VPS41: variants seen among roughly 807,000 people sequenced by gnomAD.
VPS41 encodes VPS41 subunit of HOPS complex.
In VPS41, 85 loss-of-function variants were observed where a neutral mutation model predicts 130.9. The ratio of observed to expected loss-of-function variants is 0.65; its 90% CI spans 0.55 to 0.78. VPS41 has a LOEUF of 0.78. Ranked by LOEUF, VPS41 falls within the 30% of genes least tolerant of loss-of-function variation. The probability of loss-of-function intolerance (pLI) is 0.00; values close to 1 mark genes in which losing one functional copy is unlikely to be tolerated. For missense variants in VPS41, 874 were observed against 1,018.7 expected (o/e 0.86, Z 1.93); for synonymous variants, 335 against 332.9 (o/e 1.01, Z -0.07).
At chr7:38,800,711 C>G (rs1001819565) in intron 7 of VPS41, among the ~76,000 whole-genome samples, 2 of 152,122 alleles carry the variant, frequency 1.3e-5, no homozygotes, top group Non-Finnish European at 2.9e-5. Context: ...TGGCCGGCAC[C>G]TGTAATCCCA....
chr7:38,849,087 C>G (rs1348649496), intron 4 of VPS41, among the ~76,000 whole-genome samples: 1 of 151,872 alleles, frequency 6.6e-6, no homozygotes, highest in African/African-American at 2.4e-5. Context: ...ATGTAAAAAG[C>G]AAAACTTTAA....
At chr7:38,758,637 G>A (rs1029358725) in intron 17 of VPS41, among the ~76,000 whole-genome samples, 156 bp from the exon 18 acceptor site, 4 of 152,108 alleles carry the variant, frequency 2.6e-5, no homozygotes, top group Non-Finnish European at 5.9e-5. Flanking sequence ...GTATGCTAAT[G>A]AGCTGACTGG....
rs368369559 is a variant in VPS41, at chr7:38,724,604, C to CTTTTT, written c.*1637_*1641dup. On this transcript the variant is annotated 3_prime_UTR_variant, in exon 29 of 29. Transcript: ENST00000310301. Reference sequence around the variant, plus strand: ...CCTATGATTTCTTTTCTTTTCTTTTCTTTTTTGAGACGGAGTTTTGCTCTT... The same window carrying CTTTTT: ...CCTATGATTTCTTTTCTTTTCTTTTCTTTTTTTTTTTGAGACGGAGTTTTGCTCTT... 6.8e-6 allele frequency: 1 copy of CTTTTT among 146,710 alleles called. No homozygotes were observed. The highest frequency in any genetic ancestry group is 1.5e-5 in the Non-Finnish European group (1 of 68,126). The allele number at this position is 146,710 out of a possible 1,614,324, so 9.1% of individuals were successfully genotyped here.
chr7:38,838,536 G>C (rs1488567025), intron 4 of VPS41, among the ~76,000 whole-genome samples: 1 of 152,122 alleles, frequency 6.6e-6, no homozygotes, highest in Non-Finnish European at 1.5e-5. Context: ...GACATGTTTG[G>C]AATTCTGGAC....
chr7:38,775,353 G>A (rs1367750849), intron 11 of VPS41: 3 of 152,090 alleles, frequency 2.0e-5, no homozygotes, highest in Non-Finnish European at 4.4e-5. Flanking sequence ...CATTTTCTAC[G>A]TGCTCTATGA....
intron 25 of VPS41, among the ~76,000 whole-genome samples, chr7:38,733,637 T>G (rs34828402): frequency 0.06 from 9,180 of 152,292 alleles, 339 homozygotes; most frequent in African/African-American, 0.099. Context: ...TTTACCCTGG[T>G]TTCTTATTCT....
intron 25 of VPS41, chr7:38,741,327 C>G (rs771317346): frequency 5.7e-6 from 2 of 349,406 alleles, no homozygotes. Context: ...ATAGAAGTTA[C>G]CAGCATCCTG....
chr7:38,763,908 C>G (rs1461181791), intron 16 of VPS41, among the ~76,000 whole-genome samples: 1 of 152,098 alleles, frequency 6.6e-6, no homozygotes, highest in Non-Finnish European at 1.5e-5. Context: ...TTCATCTTTC[C>G]TTCCTTCAAC....
intron 6 of VPS41, among the ~76,000 whole-genome samples, chr7:38,820,912 G>T (rs1169168636): frequency 6.6e-6 from 1 of 152,034 alleles, no homozygotes; most frequent in Non-Finnish European, 1.5e-5. Context: ...ACCTCTTTGA[G>T]TCTTTTACCA....
Position 38,821,215 on chromosome 7 carries a change from G to C in VPS41, c.372C>G (p.Asp124Glu), listed in dbSNP as rs1785164200. ...YSGEEFHETF[D>E]CPIKIIAVHP... is the part of the protein sequence containing the mutation. ...GCTGAATACTTACTTTAATGGGACA[G>C]TCAAAAGTCTCGTGAAATTCTTCTC... Residue 124 changes from aspartate (D) to glutamate (E), a missense_variant, in exon 6 of 29, where the codon GAC (aspartate) becomes GAG (glutamate). Asp to Glu is a conservative substitution (Grantham distance 45, BLOSUM62 2). Transcript: ENST00000310301. 1 of 1,613,500 alleles carries C rather than the reference G, an allele frequency of 6.2e-7. No homozygotes were observed. The highest frequency in any genetic ancestry group is 1.7e-5 in the Admixed American group (1 of 59,976).
At chr7:38,851,151 A>G (rs903635735) in intron 4 of VPS41, among the ~76,000 whole-genome samples, 2 of 152,258 alleles carry the variant, frequency 1.3e-5, no homozygotes, top group African/African-American at 2.4e-5. Flanking sequence ...TTAAAGCAGT[A>G]ACAAACCTGC....
At chr7:38,807,708 A>T (rs954886290) in intron 7 of VPS41, among the ~76,000 whole-genome samples, 1 of 152,232 alleles carries the variant, frequency 6.6e-6, no homozygotes, top group Non-Finnish European at 1.5e-5. Flanking sequence ...TTTAGTTTGT[A>T]CCACGACACC....
In VPS41 at chr7:38,830,209, G is replaced by A. The variant is rs1234654842; in HGVS notation, c.321+45C>T. The stretch of plus-strand genomic sequence containing the variant: ...GCAAGGTGCTGTTCCGATCACCTGG[G>A]GCTGGCGCCACAGAACTCTCTGCAT... On this transcript the variant is annotated intron_variant, in intron 5 of 28. Transcript: ENST00000310301. 3.2e-6 allele frequency: 4 copies of A among 1,266,222 alleles called. No homozygotes were observed. The African/African-American group carries it at 5.9e-5, about 19-fold the overall frequency. The allele number at this position is 1,266,222 out of a possible 1,614,324, so 78.4% of individuals were successfully genotyped here. A position where few individuals can be genotyped will look rare whatever the true frequency, so the allele number is the denominator to read the frequency against.
chr7:38,769,640 G>A (rs1400444176), intron 14 of VPS41, among the ~76,000 whole-genome samples: 1 of 152,126 alleles, frequency 6.6e-6, no homozygotes, highest in African/African-American at 2.4e-5. Flanking sequence ...CCAAAGCCTG[G>A]GAGTCAGCCT....
rs777015789 is a variant in VPS41 at position 38,776,730 on chromosome 7, G to C, written c.831C>G (p.Leu277=). ...ACGAAAGTACAACAAGCTGATCACA[G>C]AGAGGTGCAAGTCCACTGATGTAGA... The part of the protein sequence containing the change: ...TEFYISGLAP[L]CDQLVVLSYV... Residue 277 remains leucine, a synonymous_variant, in exon 11 of 29, where the codon CTC becomes CTG. Transcript: ENST00000310301. 22 of 1,612,526 alleles carry C rather than the reference G, an allele frequency of 1.4e-5. No homozygotes were observed. The Middle Eastern group carries it at 5.0e-4, about 36-fold the overall frequency.
At chr7:38,727,032 G>T in intron 27 of VPS41, 44 bp from the exon 28 acceptor site, 1 of 1,453,756 alleles carries the variant, frequency 6.9e-7, no homozygotes, top group South Asian at 1.5e-5. Context: ...AATGCAACAA[G>T]CAAGATCATT....
chr7:38,808,561 T>C (rs1252326765), intron 7 of VPS41, among the ~76,000 whole-genome samples: 1 of 152,214 alleles, frequency 6.6e-6, no homozygotes, highest in African/African-American at 2.4e-5. Context: ...TGGCTGCCTG[T>C]GGTGTAACTG....
chr7:38,857,062 G>T (rs1786003033), intron 4 of VPS41, among the ~76,000 whole-genome samples: 1 of 152,166 alleles, frequency 6.6e-6, no homozygotes, highest in African/African-American at 2.4e-5. Context: ...GATGGACAGA[G>T]GTCTGGGTTT....
chr7:38,786,185 G>A (rs1045599741), intron 10 of VPS41, among the ~76,000 whole-genome samples: 4 of 152,142 alleles, frequency 2.6e-5, no homozygotes, highest in South Asian at 2.1e-4. Flanking sequence ...ACAACTTTAC[G>A]GCTAGGCACA....
Sources: gnomAD v4.1 joint callset for allele counts (sites outside exome capture counted in the v4.1 genomes callset) on GRCh38, gnomAD v4.1.1 for gene constraint, MANE v1.5 for transcripts, NCBI Gene and HGNC (gene_info 2026-07-23, HGNC 2026-07-21) for gene names.